Variants in FGD6 observed in about 807,000 individuals in gnomAD.
FGD6 encodes the protein FYVE, RhoGEF and PH domain containing 6.
Under a neutral mutation model 149.4 loss-of-function variants are expected in FGD6, and 90 were observed. The observed-to-expected ratio is 0.60, with a 90% confidence interval of 0.51 to 0.72. FGD6 has a LOEUF of 0.72. Ranked by LOEUF, FGD6 falls within the 30% of genes least tolerant of loss-of-function variation. FGD6 has a pLI of 0.00. For missense variants in FGD6, 1,437 were observed against 1,684.8 expected, an observed-to-expected ratio of 0.85 and a Z score of 2.57; for synonymous variants, 527 against 584.0, an observed-to-expected ratio of 0.90 and a Z score of 1.41.
intron 2 of FGD6, among the ~76,000 whole-genome samples, chr12:95,191,760 A>T (rs1045077426): frequency 6.6e-6 from 1 of 151,926 alleles, no homozygotes; most frequent in African/African-American, 2.4e-5. Context: ...TTATTTTGAG[A>T]CAGTTTCGTT....
chr12:95,149,212 TTATATAATATATA>T lies in FGD6; in HGVS notation c.2685+3586_2685+3598del, dbSNP rs1728415744. On this transcript the variant is annotated intron_variant, in intron 5 of 20. Transcript: ENST00000343958. ...TATATAGCATATATAATATTATATA[TTATATAATATATA>T]GCATATATATTATATAATATATAGC... is the stretch of plus-strand genomic sequence containing the variant. Among the ~76,000 whole-genome samples the T allele has an allele frequency of 7.9e-5, 2 of 25,456 alleles. 1 individual carries two copies. Among genetic ancestry groups the T allele is most frequent in the African/African-American group, 2.7e-4 (2 of 7,342 alleles). The allele number at this position is 25,456 out of a possible 152,430, so 16.7% of individuals were successfully genotyped here.
At chr12:95,092,549 C>T in intron 16 of FGD6, 150 bp downstream of exon 16, 2 of 813,076 alleles carry the variant, frequency 2.5e-6, no homozygotes, top group Admixed American at 7.2e-5. Context: ...GAGAAAACAC[C>T]ATTCATGTTT....
chr12:95,083,000 A>ATATAT (rs1877732966), intron 20 of FGD6, among the ~76,000 whole-genome samples: 2 of 49,148 alleles, frequency 4.1e-5, no homozygotes, highest in Non-Finnish European at 8.2e-5. Context: ...AAAAAAAAAA[A>ATATAT]AAAAAAAAAA....
chr12:95,173,690 G>GT (rs1381780871), intron 2 of FGD6, among the ~76,000 whole-genome samples: 1 of 152,030 alleles, frequency 6.6e-6, no homozygotes, highest in East Asian at 1.9e-4. Context: ...CTTTTCTGTC[G>GT]TAAGTCTACA....
chr12:95,152,707 G>C (rs1880345721), intron 5 of FGD6, 104 bp downstream of exon 5: 2 of 1,004,130 alleles, frequency 2.0e-6, no homozygotes, highest in Non-Finnish European at 3.0e-6. Context: ...ATACATTTTA[G>C]AAAATGTCTA....
intron 2 of FGD6, among the ~76,000 whole-genome samples, chr12:95,181,232 T>C (rs906335479): frequency 2.0e-5 from 3 of 152,208 alleles, no homozygotes; most frequent in African/African-American, 4.8e-5. Context: ...ACACAACTTG[T>C]TGACTACGTC....
chr12:95,118,728 C>T (rs1189048642), intron 8 of FGD6, among the ~76,000 whole-genome samples: 1 of 152,132 alleles, frequency 6.6e-6, no homozygotes, highest in Non-Finnish European at 1.5e-5. Context: ...TTCTTTCCTC[C>T]ATAAATATGT....
chr12:95,201,162 T>C (rs775908428), intron 2 of FGD6, among the ~76,000 whole-genome samples: 6 of 152,218 alleles, frequency 3.9e-5, no homozygotes, highest in Non-Finnish European at 7.3e-5. Context: ...CAGGCATTAC[T>C]TATGAATATG....
intron 5 of FGD6, among the ~76,000 whole-genome samples, chr12:95,149,532 T>TTA (rs949800578): frequency 2.2e-5 from 3 of 138,456 alleles, no homozygotes; most frequent in African/African-American, 7.9e-5. Flanking sequence ...TTATATAGTA[T>TTA]TATATATATA....
At position 95,209,453 on chromosome 12, in the gene FGD6, C is replaced by T. The variant is rs1283806387; in HGVS notation, c.1831G>A (p.Val611Met). Residue 611 changes from valine (V) to methionine (M), a missense_variant, in exon 2 of 21, where the codon GTG becomes ATG. By Grantham distance (21) the Val-to-Met change is conservative. Around this residue, in one of 2 missense-constraint regions of FGD6, gnomAD observed 1,055 missense variants for 1,146.0 expected, o/e 0.92. Transcript: ENST00000343958. ...TTGCAAGGCTTAGTGCACTTTTCCA[C>T]ATCCATAGCAGATAACGATTTTGCT... ...PRAKSLSAMD[V>M]EKCTKPCKDS... 7.4e-6 allele frequency: 12 copies of T among 1,611,566 alleles called. No individual in the cohort carries two copies. The highest frequency in any genetic ancestry group is 8.5e-6 in the Non-Finnish European group (10 of 1,178,998).
At chr12:95,138,205 A>AAAATAAATAAATAAATAAAT (rs35510034) in intron 6 of FGD6, among the ~76,000 whole-genome samples, 7 of 136,048 alleles carry the variant, frequency 5.1e-5, no homozygotes, top group South Asian at 2.4e-4. Context: ...TTCTGTCTCA[A>AAAATAAATAAATAAATAAAT]AAATAAATAA....
intron 3 of FGD6, among the ~76,000 whole-genome samples, chr12:95,163,442 C>T (rs987073555): frequency 3.9e-5 from 6 of 152,106 alleles, no homozygotes; most frequent in African/African-American, 1.4e-4. Flanking sequence ...ATTTATAGGA[C>T]TTAACCCAGT....
At chr12:95,132,771 A>G (rs1879562094) in intron 8 of FGD6, among the ~76,000 whole-genome samples, 1 of 151,920 alleles carries the variant, frequency 6.6e-6, no homozygotes, top group Non-Finnish European at 1.5e-5. Flanking sequence ...ATAAATAAAT[A>G]AACAAATAAA....
At position 95,210,827 on chromosome 12, in the gene FGD6, T is replaced by C; in HGVS notation, c.457A>G (p.Ile153Val). The C allele has an allele frequency of 1.2e-6, 2 of 1,613,328 alleles. No homozygotes were observed. Among genetic ancestry groups the C allele is most frequent in the Non-Finnish European group, 1.7e-6 (2 of 1,179,874 alleles). The stretch of plus-strand genomic sequence containing the variant: ...AAATCACATTTACTCCTAGTTTTTA[T>C]AGTCAAAGTCTCATCAATTTTACTG... ...ENSKIDETLT[I>V]KTRSKCDLYG... The change falls in exon 2 of 21, where the codon ATA becomes GTA. Residue 153 changes from isoleucine (I) to valine (V), a missense_variant. This residue lies in a region of FGD6 where 1,055 missense variants were observed against 1,146.0 expected (regional missense o/e 0.92). Coordinates refer to ENST00000343958, the MANE Select transcript of FGD6 (RefSeq NM_018351.4).
intron 6 of FGD6, among the ~76,000 whole-genome samples, chr12:95,140,529 A>G (rs1019823283): frequency 1.3e-5 from 2 of 152,186 alleles, no homozygotes; most frequent in African/African-American, 4.8e-5. Flanking sequence ...AGACAGAAGA[A>G]TCACTTGAAC....
At chr12:95,136,865 G>A (rs1446169844) in intron 7 of FGD6, among the ~76,000 whole-genome samples, 1 of 152,136 alleles carries the variant, frequency 6.6e-6, no homozygotes, top group South Asian at 2.1e-4. Flanking sequence ...AGAGTTCTGG[G>A]GATCTGGTTG....
intron 5 of FGD6, among the ~76,000 whole-genome samples, chr12:95,148,585 T>A (rs909542071): frequency 7.3e-6 from 1 of 137,486 alleles, no homozygotes; most frequent in Non-Finnish European, 1.5e-5. Context: ...ACATAGCATA[T>A]ATTATATAAT....
chr12:95,211,519 C>A (rs542866726), intron 1 of FGD6, among the ~76,000 whole-genome samples: 105 of 148,944 alleles, frequency 7.0e-4, no homozygotes, highest in African/African-American at 2.5e-3. Context: ...GGAACTGTTA[C>A]CATATCTTTT....
At chr12:95,188,051 G>A (rs977768247) in intron 2 of FGD6, among the ~76,000 whole-genome samples, 3 of 152,216 alleles carry the variant, frequency 2.0e-5, no homozygotes, top group South Asian at 2.1e-4. Context: ...ACATTGATGC[G>A]ACAAAGGCCA....
Sources: allele counts gnomAD v4.1 joint callset (sites outside exome capture counted in the v4.1 genomes callset), GRCh38; gene constraint gnomAD v4.1.1; regional missense constraint gnomAD v4.1.1; transcripts MANE v1.5; gene names NCBI Gene and HGNC (gene_info 2026-07-23, HGNC 2026-07-21).